The following METAP1D variants were observed in gnomAD, a reference collection of about 807,000 sequenced individuals.
METAP1D encodes methionine aminopeptidase 1D, mitochondrial.
Under a neutral mutation model 40.5 loss-of-function variants are expected in METAP1D, and 31 were observed. The ratio of observed to expected loss-of-function variants is 0.77; its 90% CI spans 0.58 to 1.03. The LOEUF is 1.03. Among genes scored for constraint, METAP1D ranks in the 50% least tolerant of loss-of-function variants. The pLI is 0.00. For synonymous variants in METAP1D, 151 were observed against 146.4 expected (o/e 1.03, Z -0.22); for missense variants, 411 against 420.7 (o/e 0.98, Z 0.20).
chr2:172,053,424 A>G (rs562837263), intron 1 of METAP1D, among the ~76,000 whole-genome samples: 1 of 152,324 alleles, frequency 6.6e-6, no homozygotes, highest in Non-Finnish European at 1.5e-5. Flanking sequence ...TTTTCTTGTT[A>G]AAGTTAATAT....
At position 172,038,796 on chromosome 2, in the gene METAP1D, C is replaced by CA. The variant is rs536641367; in HGVS notation, c.41-22701dup. Among the ~76,000 whole-genome samples the CA allele has an allele frequency of 1.1e-4, 17 of 152,284 alleles. No homozygotes were observed. In the South Asian group the frequency reaches 1.2e-3, roughly 11 times the overall value. The stretch of plus-strand genomic sequence containing the variant: ...TCATAAATTCTCAATGTCAGTTTGC[C>CA]ATTTATGCAGTCAGTCTGGTTGGCC... On this transcript the variant is annotated intron_variant, in intron 1 of 9. Coordinates refer to ENST00000315796, the MANE Select transcript of METAP1D (RefSeq NM_199227.3).
chr2:172,078,167 A>G (rs536587208), intron 7 of METAP1D, among the ~76,000 whole-genome samples: 96 of 152,048 alleles, frequency 6.3e-4, no homozygotes, highest in African/African-American at 2.1e-3. Context: ...GGCACAAGGG[A>G]TATTTGTGTA....
At chr2:172,077,569 G>A (rs113629948) in intron 6 of METAP1D, among the ~76,000 whole-genome samples, 3,881 of 152,258 alleles carry the variant, frequency 0.025, 80 homozygotes, top group Admixed American at 0.073. Flanking sequence ...CGACTGTGTT[G>A]GATAGATATG....
At chr2:172,031,460 G>A (rs1370405202) in intron 1 of METAP1D, among the ~76,000 whole-genome samples, 2 of 152,098 alleles carry the variant, frequency 1.3e-5, no homozygotes, top group African/African-American at 4.8e-5. Context: ...TTAGTTAGAG[G>A]GGAGCCATAT....
rs1187621492 is a variant in METAP1D at position 172,081,517 on chromosome 2, T to A, written c.*1111T>A. On this transcript the variant is annotated 3_prime_UTR_variant, in exon 10 of 10. Transcript: ENST00000315796. The stretch of plus-strand genomic sequence containing the variant: ...AACAGGAATCCAAGGGCCCACGCTC[T>A]GTCTGCCAAGGGCCATTCCTGCCCG... 6.6e-6 allele frequency: 1 copy of A among 152,298 alleles called. No individual in the cohort carries two copies. The highest frequency in any genetic ancestry group is 1.5e-5 in the Non-Finnish European group (1 of 68,080). 9.4% of individuals were successfully genotyped at this position (152,298 alleles called of 1,614,324 possible).
At chr2:172,074,586 A>G (rs1690500120) in intron 6 of METAP1D, among the ~76,000 whole-genome samples, 1 of 152,222 alleles carries the variant, frequency 6.6e-6, no homozygotes, top group East Asian at 1.9e-4. Context: ...AAAATACAGT[A>G]ATTTGTGATC....
At chr2:172,000,996 C>T (rs115650388) in intron 1 of METAP1D, among the ~76,000 whole-genome samples, 26 of 152,244 alleles carry the variant, frequency 1.7e-4, no homozygotes, top group African/African-American at 6.0e-4. Flanking sequence ...GAGCCAGACC[C>T]TGTCTCAAAA....
In METAP1D at chr2:172,053,791, A is replaced by T. The variant is rs189814099; in HGVS notation, c.41-7707A>T. Among the ~76,000 whole-genome samples, 43 of 152,292 alleles carry T rather than the reference A, an allele frequency of 2.8e-4. No homozygotes were observed. In the East Asian group the frequency reaches 8.1e-3, roughly 29 times the overall value. Reference sequence around the variant, plus strand: ...AAGCTACATTATTGTGTTGTTTTCTACCCAGATATTTGATACCTCTGCAGT... The same window carrying T: ...AAGCTACATTATTGTGTTGTTTTCTTCCCAGATATTTGATACCTCTGCAGT... On this transcript the variant is annotated intron_variant, in intron 1 of 9. Coordinates refer to ENST00000315796, the MANE Select transcript of METAP1D (RefSeq NM_199227.3).
chr2:172,036,954 G>C (rs1253108693), intron 1 of METAP1D, among the ~76,000 whole-genome samples: 2 of 152,130 alleles, frequency 1.3e-5, no homozygotes, highest in Non-Finnish European at 2.9e-5. Context: ...ACATGTACTT[G>C]TAATGTTAAA....
At chr2:172,061,413 T>C in intron 1 of METAP1D, 85 bp from the exon 2 acceptor site, 1 of 1,224,056 alleles carries the variant, frequency 8.2e-7, no homozygotes, top group Non-Finnish European at 1.1e-6. Flanking sequence ...GAATAATGAT[T>C]TAATAGACAA....
intron 1 of METAP1D, among the ~76,000 whole-genome samples, chr2:172,060,163 C>T (rs1005252524): frequency 6.6e-6 from 1 of 152,118 alleles, no homozygotes; most frequent in African/African-American, 2.4e-5. Context: ...CGCCTGTAAC[C>T]TCAACACTTT....
chr2:172,068,105 C>G (rs567569610), intron 5 of METAP1D, among the ~76,000 whole-genome samples: 2 of 152,276 alleles, frequency 1.3e-5, no homozygotes, highest in South Asian at 4.1e-4. Flanking sequence ...GTACAAGGGC[C>G]AGGCGCAGTG....
chr2:172,067,644 A>G (rs1359894942), intron 5 of METAP1D, among the ~76,000 whole-genome samples: 1 of 152,172 alleles, frequency 6.6e-6, no homozygotes, highest in African/African-American at 2.4e-5. Flanking sequence ...CCCTATCATG[A>G]AATGTTACCA....
chr2:172,080,778 TCCTTACCTCTCTGACAGTTA>T lies in METAP1D; in HGVS notation c.*374_*393del. 1 of 332,652 alleles carries T rather than the reference TCCTTACCTCTCTGACAGTTA, an allele frequency of 3.0e-6. No homozygotes were observed. 20.6% of individuals were successfully genotyped at this position (332,652 alleles called of 1,614,324 possible). ...CCTCTTAAATCCATTGTATCAGAGG[TCCTTACCTCTCTGACAGTTA>T]CAGTGATCTTTGTATCTGAACTTTG... On this transcript the variant is annotated 3_prime_UTR_variant, in exon 10 of 10. Coordinates refer to ENST00000315796, the MANE Select transcript of METAP1D (RefSeq NM_199227.3).
rs913324800 is a variant in METAP1D, at chr2:172,080,713, G to C, written c.*307G>C. On this transcript the variant is annotated 3_prime_UTR_variant, in exon 10 of 10. Coordinates refer to ENST00000315796, the MANE Select transcript of METAP1D (RefSeq NM_199227.3). ...TTGGAAGAGATTCCAAGAGAAGCAC[G>C]GTTTTCTCTTTCCCTTGCCCTGACT... is the stretch of plus-strand genomic sequence containing the variant. 15 of 521,036 alleles carry C rather than the reference G, an allele frequency of 2.9e-5. No individual in the cohort carries two copies. Among genetic ancestry groups the C allele is most frequent in the Non-Finnish European group, 1.7e-5 (5 of 290,646 alleles). The allele number at this position is 521,036 out of a possible 1,614,324, so 32.3% of individuals were successfully genotyped here.
chr2:172,019,743 T>C (rs1688963661), intron 1 of METAP1D, among the ~76,000 whole-genome samples: 1 of 152,158 alleles, frequency 6.6e-6, no homozygotes, highest in African/African-American at 2.4e-5. Context: ...TAGCAATACA[T>C]TTCTGCTCAT....
At chr2:172,079,331 C>CGCA in intron 8 of METAP1D, 69 bp downstream of exon 8, 1 of 1,449,450 alleles carries the variant, frequency 6.9e-7, no homozygotes, top group East Asian at 2.3e-5. Flanking sequence ...GGCCTAGGCC[C>CGCA]GGCAGTCCGG....
intron 5 of METAP1D, among the ~76,000 whole-genome samples, chr2:172,069,072 C>G (rs116684316): frequency 2.2e-4 from 34 of 152,152 alleles, no homozygotes; most frequent in African/African-American, 8.0e-4. Flanking sequence ...GCGTGTGCCA[C>G]CACACCTGGT....
intron 1 of METAP1D, among the ~76,000 whole-genome samples, chr2:172,058,193 G>A (rs1198011002): frequency 6.6e-6 from 1 of 152,062 alleles, no homozygotes; most frequent in African/African-American, 2.4e-5. Context: ...GTAGAGATGG[G>A]ATCTCACGAT....
Sources: allele counts gnomAD v4.1 joint callset (sites outside exome capture counted in the v4.1 genomes callset), GRCh38; gene constraint gnomAD v4.1.1; transcripts MANE v1.5; gene names NCBI Gene and HGNC (gene_info 2026-07-23, HGNC 2026-07-21).